Variants in MUC5B observed in about 807,000 individuals in gnomAD.
MUC5B encodes mucin 5B, oligomeric mucus/gel-forming, also known as mucin-5B.
A neutral mutation model predicts 376.9 loss-of-function variants in MUC5B; 116 were observed. The observed-to-expected ratio is 0.31, with a 90% CI of 0.26 to 0.36. The LOEUF (loss-of-function observed/expected upper bound fraction) is 0.36. Ranked by LOEUF, MUC5B falls within the 10% of genes least tolerant of loss-of-function variation. The pLI is 1.00. For synonymous variants in MUC5B, 3,517 were observed against 3,390.9 expected (o/e 1.04, Z -1.29); for missense variants, 7,165 against 7,769.9 (o/e 0.92, Z 2.93).
chr11:1,249,049 G>A lies in MUC5B; in HGVS notation c.12169G>A (p.Gly4057Ser), dbSNP rs368752630. ...TTCCCACACCCCAGCAGCAACCACC[G>A]GTACCACCCAGCACTCGACTCCAGC... ...GTSHTPAATT[G>S]TTQHSTPALS... Residue 4057 changes from glycine to serine, a missense_variant, in exon 31 of 49, where the codon GGT becomes AGT. Gly to Ser is a moderately conservative substitution (Grantham distance 56). Transcript: ENST00000529681. The A allele has an allele frequency of 1.4e-4, 228 of 1,609,676 alleles. No individual in the cohort carries two copies. In the African/African-American group the frequency reaches 1.7e-3, roughly 12 times the overall value.
Position 1,246,741 on chromosome 11 carries a change from C to G in MUC5B, c.9861C>G (p.Thr3287=). The G allele has an allele frequency of 6.2e-7, 1 of 1,607,444 alleles. No homozygotes were observed. Among genetic ancestry groups the G allele is most frequent in the Non-Finnish European group, 8.5e-7 (1 of 1,175,734 alleles). ...TGCTTACCACCACGACCACCACAAC[C>G]AGGGCCACCGGCTCTGTGGCCACCC... ...STVLTTTTTT[T]RATGSVATPS... The change falls in exon 31 of 49, where the codon ACC becomes ACG. Residue 3287 remains threonine (T), a synonymous_variant. Transcript: ENST00000529681.
chr11:1,260,669 G>A lies in MUC5B; in HGVS notation c.17010G>A (p.Gln5670=). The change falls in exon 48 of 49, where the codon CAG becomes CAA. Residue 5670 remains glutamine (Q), a synonymous_variant. Transcript: ENST00000529681. The stretch of plus-strand genomic sequence containing the variant: ...TCAACACGACCATCCTGTGGCACCA[G>A]GGCTGCGAGACCGAGGTCAACATCA... ...VRINTTILWH[Q]GCETEVNITF... 1 of 1,612,686 alleles carries A rather than the reference G, an allele frequency of 6.2e-7. No homozygotes were observed. The highest frequency in any genetic ancestry group is 8.5e-7 in the Non-Finnish European group (1 of 1,179,814).
chr11:1,227,638 C>T, intron 6 of MUC5B, 37 bp from the exon 7 acceptor site: 1 of 712,826 alleles, frequency 1.4e-6, no homozygotes, highest in East Asian at 2.7e-5. Flanking sequence ...CCCAGGAGCC[C>T]CTCAGAGCCA....
rs1054821318 is a variant in MUC5B, at chr11:1,260,105, C to T, written c.16923+20C>T. 1.2e-6 allele frequency: 2 copies of T among 1,610,976 alleles called. No homozygotes were observed. The highest frequency in any genetic ancestry group is 2.2e-5 in the East Asian group (1 of 44,858). On this transcript the variant is annotated intron_variant, in intron 46 of 48. Transcript: ENST00000529681. Reference sequence around the variant, plus strand: ...TGCAGGGTGTGTGCTGGAGGCCCTGCCCCTGCCTGGGAGTCCTTGTCCATC... The same window carrying T: ...TGCAGGGTGTGTGCTGGAGGCCCTGTCCCTGCCTGGGAGTCCTTGTCCATC...
Position 1,247,711 on chromosome 11 carries a change from C to G in MUC5B, c.10831C>G (p.Gln3611Glu), listed in dbSNP as rs1479787632. Residue 3611 changes from glutamine to glutamate, a missense_variant, in exon 31 of 49, where the codon CAG becomes GAG. This residue lies in a region of MUC5B where 81 missense variants were observed against 154.5 expected (regional missense o/e 0.52). Transcript: ENST00000529681. ...TGCGGCCGGAGGGGCAGTCTGTGAG[C>G]AGCCCCTGGGCCTCGAGTGCCGTGC... ...IRAAGGAVCE[Q>E]PLGLECRAQA... The G allele has an allele frequency of 1.3e-6, 2 of 1,595,328 alleles. No individual in the cohort carries two copies. Among genetic ancestry groups the G allele is most frequent in the Non-Finnish European group, 1.7e-6 (2 of 1,169,278 alleles).
At chr11:1,256,609 G>A (rs759141047) in intron 38 of MUC5B, 62 bp from the exon 39 acceptor site, 14 of 1,331,682 alleles carry the variant, frequency 1.1e-5, no homozygotes, top group African/African-American at 6.0e-5. Context: ...GGGGACTCAC[G>A]TGGATGACAG....
chr11:1,242,571 C>G lies in MUC5B; in HGVS notation c.5691C>G (p.Pro1897=), dbSNP rs753191737. ...CAGCCACCAGCTCCACGGCCACGCC[C>G]TCCTCAACTCCGGGGACGACCTGGA... is the stretch of plus-strand genomic sequence containing the variant. The part of the protein sequence containing the change: ...STPATSSTAT[P]SSTPGTTWIL... The change falls in exon 31 of 49, where the codon CCC becomes CCG. Residue 1897 remains proline, a synonymous_variant. Coordinates refer to ENST00000529681, the MANE Select transcript of MUC5B (RefSeq NM_002458.3). The G allele has an allele frequency of 6.2e-7, 1 of 1,613,716 alleles. No homozygotes were observed. The highest frequency in any genetic ancestry group is 1.7e-5 in the Admixed American group (1 of 59,998).
In MUC5B at chr11:1,227,390, A is replaced by G. The variant is rs201684290; in HGVS notation, c.659A>G (p.Tyr220Cys). 98 of 1,610,034 alleles carry G rather than the reference A, an allele frequency of 6.1e-5. No individual in the cohort carries two copies. In the African/African-American group the frequency reaches 1.2e-3, roughly 20 times the overall value. Residue 220 changes from tyrosine (Y) to cysteine (C), a missense_variant, in exon 6 of 49, where the codon TAT (tyrosine) becomes TGT (cysteine). Physicochemically the swap from Tyr to Cys is radical, Grantham distance 194. This residue lies in a region of MUC5B where 640 missense variants were observed against 733.0 expected (regional missense o/e 0.87). Transcript: ENST00000529681. ...GGCCTCCCGGCCTTCAACGAGTTCT[A>G]TGCCCACAGTGAGTGCCACCTGGGT... ...FNGLPAFNEFYAHNARLTPLQ... is the reference protein window; with the variant it reads ...FNGLPAFNEFCAHNARLTPLQ...
At position 1,243,490 on chromosome 11, in the gene MUC5B, C is replaced by G. The variant is rs1862354619; in HGVS notation, c.6610C>G (p.Pro2204Ala). Reference protein sequence around the residue: ...MATTHGRSLPPSSPHTVRTAW... With the variant: ...MATTHGRSLPASSPHTVRTAW... ...CACCACACACGGGCGATCCCTGCCC[C>G]CCAGCAGTCCCCACACGGTGCGCAC... Residue 2204 changes from proline (P) to alanine (A), a missense_variant, in exon 31 of 49, where the codon CCC becomes GCC. Coordinates refer to ENST00000529681, the MANE Select transcript of MUC5B (RefSeq NM_002458.3). 6.3e-7 allele frequency: 1 copy of G among 1,589,960 alleles called. No homozygotes were observed. The highest frequency in any genetic ancestry group is 8.6e-7 in the Non-Finnish European group (1 of 1,169,308).
Position 1,249,409 on chromosome 11 carries a change from C to T in MUC5B, c.12529C>T (p.Gln4177Ter), listed in dbSNP as rs1197115537. The stretch of plus-strand genomic sequence containing the variant: ...GCCCCTGGGCCTCGAGTGCCGTGCC[C>T]AGGCCCAGCCTGGTGTCCCCCTGGG... Reference protein sequence around the residue: ...EQPLGLECRAQAQPGVPLGEL... With the variant: ...EQPLGLECRA Residue 4177 changes from glutamine (Q) to a stop codon, truncating the protein, a stop_gained, in exon 31 of 49, where the codon CAG becomes TAG. Transcript: ENST00000529681. LOFTEE classifies it high-confidence loss of function. 6.2e-7 allele frequency: 1 copy of T among 1,611,226 alleles called. No homozygotes were observed. Among genetic ancestry groups the T allele is most frequent in the African/African-American group, 1.3e-5 (1 of 74,796 alleles).
At chr11:1,225,764 G>T (rs1332532701) in intron 2 of MUC5B, 27 bp downstream of exon 2, 2 of 1,595,244 alleles carry the variant, frequency 1.3e-6, no homozygotes, top group South Asian at 2.3e-5. Flanking sequence ...GGGGGTGGGG[G>T]GTTCCTGACC....
chr11:1,229,121 G>A, intron 8 of MUC5B, 49 bp from the exon 9 acceptor site: 1 of 1,497,142 alleles, frequency 6.7e-7, no homozygotes, highest in Non-Finnish European at 8.9e-7. Flanking sequence ...TGACCACACG[G>A]GCAGTACAGG....
Position 1,245,842 on chromosome 11 carries a change from G to A in MUC5B, c.8962G>A (p.Gly2988Arg), listed in dbSNP as rs1395163674. 4 of 1,613,392 alleles carry A rather than the reference G, an allele frequency of 2.5e-6. No individual in the cohort carries two copies. The highest frequency in any genetic ancestry group is 3.4e-6 in the Non-Finnish European group (4 of 1,179,832). Residue 2988 changes from glycine to arginine, a missense_variant, in exon 31 of 49, where the codon GGG becomes AGG. Gly to Arg is a moderately radical substitution (Grantham distance 125, BLOSUM62 -2). Coordinates refer to ENST00000529681, the MANE Select transcript of MUC5B (RefSeq NM_002458.3). ...SSTATPSSTPGTTWILTEQTT... is the reference protein window; with the variant it reads ...SSTATPSSTPRTTWILTEQTT... ...TACGGCCACGCCCTCCTCCACTCCA[G>A]GGACGACCTGGATCCTCACAGAGCA... is the stretch of plus-strand genomic sequence containing the variant.
At chr11:1,239,321 A>G in intron 26 of MUC5B, 117 bp from the exon 27 acceptor site, 1 of 1,375,368 alleles carries the variant, frequency 7.3e-7, no homozygotes, top group Non-Finnish European at 9.8e-7. Context: ...CATGTCTGGG[A>G]CAAGCCCGGG....
chr11:1,224,886 A>G (rs1220798466), intron 1 of MUC5B, among the ~76,000 whole-genome samples: 1 of 151,584 alleles, frequency 6.6e-6, no homozygotes, highest in Non-Finnish European at 1.5e-5. Context: ...CCACCTCCCC[A>G]CAGAGAGTCT....
At position 1,258,177 on chromosome 11, in the gene MUC5B, G is replaced by T; in HGVS notation, c.16529G>T (p.Gly5510Val). ...GAGTCCATCTGCACCCAGGAGGAGGGCGACTGCTGTCCCACCTTCCGCTGC... is the reference window on the plus strand; with the variant it reads ...GAGTCCATCTGCACCCAGGAGGAGGTCGACTGCTGTCCCACCTTCCGCTGC... Reference protein sequence around the residue: ...GQESICTQEEGDCCPTFRCRP... With the variant: ...GQESICTQEEVDCCPTFRCRP... Residue 5510 changes from glycine to valine, a missense_variant, in exon 42 of 49, where the codon GGC (glycine) becomes GTC (valine). Coordinates refer to ENST00000529681, the MANE Select transcript of MUC5B (RefSeq NM_002458.3). The surrounding 1 kb of genome is among the most constrained non-coding windows in gnomAD (Gnocchi z 5.5). 6.3e-7 allele frequency: 1 copy of T among 1,599,948 alleles called. No homozygotes were observed.
intron 6 of MUC5B, 114 bp downstream of exon 6, chr11:1,227,512 G>C (rs2133805951): frequency 1.3e-6 from 1 of 796,148 alleles, no homozygotes; most frequent in East Asian, 2.7e-5. Context: ...GGCAGGGAGG[G>C]GCCACGAGGA....
Position 1,225,664 on chromosome 11 carries a change from A to G in MUC5B, c.71-17A>G, listed in dbSNP as rs748502269. The G allele has an allele frequency of 1.3e-6, 2 of 1,590,726 alleles. No homozygotes were observed. The highest frequency in any genetic ancestry group is 1.7e-6 in the Non-Finnish European group (2 of 1,169,200). On this transcript the variant is annotated splice_polypyrimidine_tract_variant and intron_variant, in intron 1 of 48. Transcript: ENST00000529681. ...CACATCTAGTTCCTCACTGACTCCCATTCCCTCTTCCCACAGAGACCCAGG... is the reference window on the plus strand; with the variant it reads ...CACATCTAGTTCCTCACTGACTCCCGTTCCCTCTTCCCACAGAGACCCAGG...
Position 1,259,061 on chromosome 11 carries a change from G to T in MUC5B, c.16713G>T (p.Gln5571His). The change falls in exon 44 of 49, where the codon CAG becomes CAT. Residue 5571 changes from glutamine to histidine, a missense_variant and splice_region_variant. Transcript: ENST00000529681. ...EDACNNTTCP[Q>H]GFEYKRVAGQ... ...CCTGCAACAATACTACCTGTCCCCA[G>T]GTGAGACCCGAGGCACCTGCCCCCA... The T allele has an allele frequency of 6.5e-7, 1 of 1,547,762 alleles. No individual in the cohort carries two copies. Among genetic ancestry groups the T allele is most frequent in the Non-Finnish European group, 8.7e-7 (1 of 1,146,116 alleles).
Sources: allele counts gnomAD v4.1 joint callset (sites outside exome capture counted in the v4.1 genomes callset), GRCh38; gene constraint gnomAD v4.1.1; regional missense constraint gnomAD v4.1.1; non-coding constraint Gnocchi (gnomAD v3.1); transcripts MANE v1.5; gene names NCBI Gene and HGNC (gene_info 2026-07-23, HGNC 2026-07-21).